Variants in KCNQ3 observed in about 807,000 individuals in gnomAD.
The protein encoded by KCNQ3 is potassium voltage-gated channel subfamily Q member 3.
In KCNQ3, 30 loss-of-function variants were observed where a neutral mutation model predicts 92.5. The observed-to-expected ratio is 0.32, with a 90% CI of 0.24 to 0.44. The LOEUF (loss-of-function observed/expected upper bound fraction) is 0.44. Ranked by LOEUF, KCNQ3 falls within the 20% of genes least tolerant of loss-of-function variation. The pLI is 1.00. For synonymous variants in KCNQ3, 450 were observed against 468.8 expected (o/e 0.96, Z 0.52); for missense variants, 913 against 1,140.3 (o/e 0.80, Z 2.87).
chr8:132,389,669 A>C (rs1382605570), intron 1 of KCNQ3, among the ~76,000 whole-genome samples: 2 of 152,222 alleles, frequency 1.3e-5, no homozygotes, highest in Admixed American at 1.3e-4. Flanking sequence ...AACCAAATGA[A>C]AAGTGAGCAA....
chr8:132,480,527 C>T lies in KCNQ3; in HGVS notation c.6G>A (p.Gly2=). The stretch of plus-strand genomic sequence containing the variant: ...CCCCCGCCGCCCTGCGCGCCTTGAG[C>T]CCCATCTGCCTCGCCCCCGCCGGCC... M[G]LKARRAAGAA... is the part of the protein sequence containing the mutation. Residue 2 remains glycine (G), a synonymous_variant, in exon 1 of 15, where the codon GGG becomes GGA. Coordinates refer to ENST00000388996, the MANE Select transcript of KCNQ3 (RefSeq NM_004519.4). 4.0e-6 allele frequency: 5 copies of T among 1,238,076 alleles called. No homozygotes were observed. The highest frequency in any genetic ancestry group is 1.7e-5 in the South Asian group (1 of 57,846). 76.7% of individuals were successfully genotyped at this position (1,238,076 alleles called of 1,614,324 possible). A position where few individuals can be genotyped will look rare whatever the true frequency, so the allele number is the denominator to read the frequency against.
chr8:132,179,445 G>A (rs189019097), intron 4 of KCNQ3, among the ~76,000 whole-genome samples: 8 of 152,188 alleles, frequency 5.3e-5, no homozygotes, highest in Non-Finnish European at 8.8e-5. Context: ...GACCTTGAGC[G>A]GGTACTTCCT....
chr8:132,214,774 G>A (rs1813971162), intron 1 of KCNQ3, among the ~76,000 whole-genome samples: 1 of 152,258 alleles, frequency 6.6e-6, no homozygotes, highest in Non-Finnish European at 1.5e-5. Flanking sequence ...CATGCCACAG[G>A]TGAGGAGACT....
At chr8:132,209,833 T>C (rs1217115338) in intron 1 of KCNQ3, among the ~76,000 whole-genome samples, 1 of 152,168 alleles carries the variant, frequency 6.6e-6, no homozygotes, top group African/African-American at 2.4e-5. Flanking sequence ...ATCCTCAACT[T>C]ACAATATTTT....
At chr8:132,469,354 T>C (rs1822248661) in intron 1 of KCNQ3, among the ~76,000 whole-genome samples, 1 of 152,200 alleles carries the variant, frequency 6.6e-6, no homozygotes. Context: ...TGCCTCAAGA[T>C]GCTGCCACTC....
chr8:132,326,445 C>G (rs1168029505), intron 1 of KCNQ3, among the ~76,000 whole-genome samples: 2 of 152,190 alleles, frequency 1.3e-5, no homozygotes, highest in African/African-American at 2.4e-5. Flanking sequence ...TGCCCCCAGG[C>G]AGTTAATACT....
chr8:132,163,552 T>C (rs780266845), intron 8 of KCNQ3, 58 bp from the exon 9 acceptor site: 6 of 1,379,106 alleles, frequency 4.4e-6, no homozygotes, highest in Non-Finnish European at 6.2e-6. Flanking sequence ...AGCTGTATCC[T>C]TCCTCGAAAG....
intron 1 of KCNQ3, among the ~76,000 whole-genome samples, chr8:132,414,272 C>A (rs535972304): frequency 6.6e-6 from 1 of 152,188 alleles, no homozygotes; most frequent in Non-Finnish European, 1.5e-5. Flanking sequence ...GTGCTTGCCC[C>A]TGCAGAAGGG....
At chr8:132,367,974 C>G (rs1227193830) in intron 1 of KCNQ3, among the ~76,000 whole-genome samples, 3 of 152,158 alleles carry the variant, frequency 2.0e-5, no homozygotes, top group South Asian at 2.1e-4. Context: ...CCTGCACCAT[C>G]ATGATGCAGG....
intron 1 of KCNQ3, among the ~76,000 whole-genome samples, chr8:132,463,195 T>C (rs1822101545): frequency 6.6e-6 from 1 of 152,218 alleles, no homozygotes. Context: ...TCATTTACAA[T>C]ATTTATTGAG....
chr8:132,229,824 T>G (rs187200333), intron 1 of KCNQ3, among the ~76,000 whole-genome samples: 3 of 151,682 alleles, frequency 2.0e-5, no homozygotes, highest in African/African-American at 7.3e-5. Context: ...ACATAACAGG[T>G]GGAGAGAAGC....
chr8:132,228,052 C>T (rs1004336247), intron 1 of KCNQ3, among the ~76,000 whole-genome samples: 2 of 151,990 alleles, frequency 1.3e-5, no homozygotes, highest in Non-Finnish European at 2.9e-5. Context: ...AAATAACTTG[C>T]TTTTGATGAA....
intron 1 of KCNQ3, among the ~76,000 whole-genome samples, chr8:132,415,983 A>G (rs1352396954): frequency 6.6e-6 from 1 of 152,206 alleles, no homozygotes; most frequent in Non-Finnish European, 1.5e-5. Flanking sequence ...TCATTTCTCC[A>G]AAGAATAACC....
intron 1 of KCNQ3, among the ~76,000 whole-genome samples, chr8:132,477,820 GGGCAC>G (rs1411974634): frequency 6.6e-6 from 1 of 152,168 alleles, no homozygotes; most frequent in African/African-American, 2.4e-5. Flanking sequence ...ATGGGGAAAG[GGGCAC>G]CCAGTGACGC....
chr8:132,421,129 T>G (rs1820955036), intron 1 of KCNQ3, among the ~76,000 whole-genome samples: 1 of 152,230 alleles, frequency 6.6e-6, no homozygotes, highest in Non-Finnish European at 1.5e-5. Context: ...CTGTGTTTTC[T>G]AAATTTTCTG....
chr8:132,358,872 G>A (rs16904673), intron 1 of KCNQ3, among the ~76,000 whole-genome samples: 14,180 of 152,152 alleles, frequency 0.093, 706 homozygotes, highest in South Asian at 0.16. Context: ...AAGGATCCCT[G>A]GCCTACATAA....
At chr8:132,259,407 G>A (rs1400081928) in intron 1 of KCNQ3, among the ~76,000 whole-genome samples, 1 of 151,968 alleles carries the variant, frequency 6.6e-6, no homozygotes, top group Non-Finnish European at 1.5e-5. Context: ...ACCTCCTCTT[G>A]AGTATTTCAA....
chr8:132,132,280 C>T lies in KCNQ3; in HGVS notation c.1800-16G>A. On this transcript the variant is annotated splice_polypyrimidine_tract_variant and intron_variant, in intron 13 of 14. Transcript: ENST00000388996. ...TGGTTCATTCCTAAGAAGAAGCGAA[C>T]ACTTCTATAAGATCATTATATCTAT... 2 of 1,593,454 alleles carry T rather than the reference C, an allele frequency of 1.3e-6. No individual in the cohort carries two copies. The highest frequency in any genetic ancestry group is 8.6e-7 in the Non-Finnish European group (1 of 1,161,264).
At chr8:132,285,860 C>T (rs1425607787) in intron 1 of KCNQ3, among the ~76,000 whole-genome samples, 1 of 152,158 alleles carries the variant, frequency 6.6e-6, no homozygotes, top group Non-Finnish European at 1.5e-5. Flanking sequence ...GCCCAGGCTA[C>T]CTAGGGACTC....
Sources: allele counts gnomAD v4.1 joint callset (sites outside exome capture counted in the v4.1 genomes callset), GRCh38; gene constraint gnomAD v4.1.1; transcripts MANE v1.5; gene names NCBI Gene and HGNC (gene_info 2026-07-23, HGNC 2026-07-21).